The following BCOR variants were observed in gnomAD, a reference collection of about 807,000 sequenced individuals.
BCOR encodes BCL6 corepressor.
A neutral mutation model predicts 86.7 loss-of-function variants in BCOR; 10 were observed. The ratio of observed to expected loss-of-function variants is 0.12; its 90% CI spans 0.07 to 0.20. The LOEUF is 0.20. BCOR is among the 10% of genes least tolerant of loss of function. The pLI, the probability that BCOR is intolerant of heterozygous loss-of-function variation, is 1.00. For missense variants in BCOR, 1,259 were observed against 1,452.1 expected (o/e 0.87, Z 2.16); for synonymous variants, 611 against 609.0 (o/e 1.00, Z -0.05).
At chrX:40,071,540 G>A (rs1001174255) in intron 5 of BCOR, 97 bp downstream of exon 5, 5 of 618,998 alleles carry the variant, frequency 8.1e-6, no homozygotes, top group African/African-American at 4.5e-5. Flanking sequence ...GAATAAAGAC[G>A]ACCATGGCCC....
rs973160535 is a variant in BCOR, at chrX:40,114,712, A to G, written c.-40-36743T>C. ...TGATAGCAAAGCAAGTCTTTTAACA[A>G]TGAATAATTCCTATGTGATAAAAAT... is the stretch of plus-strand genomic sequence containing the variant. On this transcript the variant is annotated intron_variant, in intron 1 of 14. Transcript: ENST00000342274. Among the ~76,000 whole-genome samples the G allele has an allele frequency of 3.6e-5, 4 of 111,665 alleles. No homozygotes were observed. In the Admixed American group the frequency reaches 3.8e-4, roughly 11 times the overall value.
chrX:40,114,795 A>C (rs918811089), intron 1 of BCOR, among the ~76,000 whole-genome samples: 2 of 110,169 alleles, frequency 1.8e-5, no homozygotes, highest in African/African-American at 6.6e-5. Flanking sequence ...GTACTTTTCC[A>C]AGTTATCTCA....
At chrX:40,133,983 G>A (rs1403436240) in intron 1 of BCOR, among the ~76,000 whole-genome samples, 1 of 110,568 alleles carries the variant, frequency 9.0e-6, no homozygotes, top group Non-Finnish European at 1.9e-5. Context: ...TTGTGGCTGT[G>A]ACAATAAGCA....
intron 1 of BCOR, among the ~76,000 whole-genome samples, chrX:40,089,544 CCACT>C (rs1936506050): frequency 9.0e-6 from 1 of 111,089 alleles, no homozygotes; most frequent in Admixed American, 9.5e-5. Context: ...ATCTCCTGGT[CCACT>C]CAAAGTCTTT....
intron 1 of BCOR, among the ~76,000 whole-genome samples, chrX:40,173,575 G>T (rs1938676869): frequency 8.9e-6 from 1 of 112,295 alleles, no homozygotes; most frequent in Admixed American, 9.4e-5. Context: ...AACTGTCTAG[G>T]TCTCCACTAG....
chrX:40,167,762 A>T (rs1938533252), intron 1 of BCOR, among the ~76,000 whole-genome samples: 1 of 112,166 alleles, frequency 8.9e-6, no homozygotes, highest in African/African-American at 3.2e-5. Flanking sequence ...ACAGATAATA[A>T]AGGGCCACGG....
At chrX:40,059,353 A>G (rs1377873054) in intron 10 of BCOR, among the ~76,000 whole-genome samples, 3 of 112,467 alleles carry the variant, frequency 2.7e-5, no homozygotes, top group African/African-American at 9.7e-5. Context: ...TAAGCCCCAT[A>G]TTCAATTAAC....
At chrX:40,168,930 G>T (rs1035203683) in intron 1 of BCOR, among the ~76,000 whole-genome samples, 2 of 111,845 alleles carry the variant, frequency 1.8e-5, no homozygotes, top group Admixed American at 9.3e-5. Flanking sequence ...CCGCCCGCCC[G>T]CCCTGGCCGG....
chrX:40,146,030 C>T (rs1410684398), intron 1 of BCOR, among the ~76,000 whole-genome samples: 2 of 112,115 alleles, frequency 1.8e-5, no homozygotes, highest in Non-Finnish European at 3.8e-5. Flanking sequence ...ATGCAGCCCA[C>T]CCCGGACCTA....
At chrX:40,161,895 A>G (rs1938431478) in intron 1 of BCOR, among the ~76,000 whole-genome samples, 1 of 111,758 alleles carries the variant, frequency 8.9e-6, no homozygotes, top group Non-Finnish European at 1.9e-5. Flanking sequence ...CTTCATATTC[A>G]TAAACCAAAG....
At chrX:40,090,525 G>A (rs1286482499) in intron 1 of BCOR, among the ~76,000 whole-genome samples, 1 of 112,271 alleles carries the variant, frequency 8.9e-6, no homozygotes, top group East Asian at 2.8e-4. Flanking sequence ...CCCGGGCACC[G>A]CTAGACGGCG....
intron 1 of BCOR, among the ~76,000 whole-genome samples, chrX:40,147,170 A>G (rs1035609269): frequency 9.0e-6 from 1 of 110,823 alleles, no homozygotes; most frequent in Non-Finnish European, 1.9e-5. Flanking sequence ...GTCCCAGCCC[A>G]CATCAGCGGC....
At chrX:40,101,710 G>C (rs946279852), upstream of BCOR, among the ~76,000 whole-genome samples, 5 of 112,463 alleles carry the variant, frequency 4.4e-5, no homozygotes, top group Non-Finnish European at 9.4e-5. Flanking sequence ...CTGTGTTTGG[G>C]GGGACCCTGG....
chrX:40,164,807 C>T (rs1602279849), intron 1 of BCOR, among the ~76,000 whole-genome samples: 1 of 112,642 alleles, frequency 8.9e-6, no homozygotes, highest in African/African-American at 3.2e-5. Context: ...AATTCCCCTA[C>T]AAATCCCACA....
At chrX:40,130,259 C>A (rs1020519801) in intron 1 of BCOR, among the ~76,000 whole-genome samples, 2 of 111,656 alleles carry the variant, frequency 1.8e-5, no homozygotes, top group Non-Finnish European at 3.8e-5. Flanking sequence ...CTTAGTTACT[C>A]TCCTTTTACA....
rs748027304 is a variant in BCOR, at chrX:40,073,520, C to T, written c.1826G>A (p.Ser609Asn). The change falls in exon 4 of 15, where the codon AGT (serine) becomes AAT (asparagine). Residue 609 changes from serine (S) to asparagine (N), a missense_variant. Coordinates refer to ENST00000378444, the MANE Select transcript of BCOR (RefSeq NM_001123385.2). ...GQPPATPAKH[S>N]SSTSSKGAKA... ...GGCGCCCTTGCTGCTGGTGCTGCTA[C>T]TGTGCTTGGCAGGAGTGGCCGGGGG... 4.1e-6 allele frequency: 5 copies of T among 1,211,463 alleles called. No individual in the cohort carries two copies. The Admixed American group carries it at 1.1e-4, about 26-fold the overall frequency.
intron 1 of BCOR, among the ~76,000 whole-genome samples, chrX:40,096,996 G>A (rs915279308): frequency 3.1e-4 from 35 of 113,249 alleles, no homozygotes; most frequent in Admixed American, 9.2e-4. Context: ...CCTCCCTGGT[G>A]CCCACGCGGG....
In BCOR at chrX:40,063,599, C is replaced by T. The variant is rs376456138; in HGVS notation, c.3847+9G>A. 11 of 1,202,386 alleles carry T rather than the reference C, an allele frequency of 9.1e-6. No individual in the cohort carries two copies. Among genetic ancestry groups the T allele is most frequent in the Non-Finnish European group, 1.1e-5 (10 of 887,160 alleles). ...CGGGGTGAACACTCAAGGGGTGGCCCCCGCATACCTTGTTCATTGTCACTG... is the reference window on the plus strand; with the variant it reads ...CGGGGTGAACACTCAAGGGGTGGCCTCCGCATACCTTGTTCATTGTCACTG... On this transcript the variant is annotated intron_variant, in intron 8 of 14. Transcript: ENST00000378444.
chrX:40,159,965 A>C (rs1333270613), intron 1 of BCOR, among the ~76,000 whole-genome samples: 1 of 112,768 alleles, frequency 8.9e-6, no homozygotes, highest in East Asian at 2.8e-4. Context: ...CTCAGCAATG[A>C]ATGATATATA....
Sources: allele counts gnomAD v4.1 joint callset (sites outside exome capture counted in the v4.1 genomes callset), GRCh38; gene constraint gnomAD v4.1.1; transcripts MANE v1.5; gene names NCBI Gene and HGNC (gene_info 2026-07-23, HGNC 2026-07-21).